MPRIP: variants seen among roughly 807,000 people sequenced by gnomAD.
MPRIP encodes myosin phosphatase Rho interacting protein, also known as myosin phosphatase Rho-interacting protein.
Under a neutral mutation model 234.9 loss-of-function variants are expected in MPRIP, and 59 were observed. That is an observed-to-expected ratio of 0.25 (90% CI 0.20 to 0.31). The LOEUF (loss-of-function observed/expected upper bound fraction) is 0.31. MPRIP is among the 10% of genes least tolerant of loss of function. MPRIP has a pLI of 1.00. For synonymous variants in MPRIP, 1,144 were observed against 1,263.9 expected (o/e 0.91, Z 2.01); for missense variants, 2,436 against 3,071.0 (o/e 0.79, Z 4.89).
intron 1 of MPRIP, among the ~76,000 whole-genome samples, chr17:17,053,885 G>A (rs1338601906): frequency 1.3e-5 from 2 of 152,210 alleles, no homozygotes; most frequent in Admixed American, 6.5e-5. Flanking sequence ...TGCCTTGTGT[G>A]TGTTTGATTT....
chr17:17,057,901 A>C, intron 1 of MPRIP: 1 of 563,022 alleles, frequency 1.8e-6, no homozygotes, highest in Non-Finnish European at 3.2e-6. Flanking sequence ...GGATACAAGC[A>C]GCATACATTT....
chr17:17,084,659 G>A (rs531366630), intron 3 of MPRIP, among the ~76,000 whole-genome samples: 5 of 152,194 alleles, frequency 3.3e-5, no homozygotes, highest in Non-Finnish European at 5.9e-5. Flanking sequence ...CTGCTGCCTC[G>A]TGCGGGTGGA....
At chr17:17,080,285 C>A (rs1228928588) in intron 3 of MPRIP, among the ~76,000 whole-genome samples, 2 of 152,178 alleles carry the variant, frequency 1.3e-5, no homozygotes, top group Non-Finnish European at 2.9e-5. Context: ...TCTCTAGCAC[C>A]CAGTGCTCTG....
In MPRIP at chr17:17,161,373, G is replaced by A; in HGVS notation, c.2517+17G>A. 1.3e-6 allele frequency: 2 copies of A among 1,531,964 alleles called. No homozygotes were observed. Among genetic ancestry groups the A allele is most frequent in the Non-Finnish European group, 1.8e-6 (2 of 1,122,200 alleles). The allele number at this position is 1,531,964 out of a possible 1,614,324, so 94.9% of individuals were successfully genotyped here. On this transcript the variant is annotated intron_variant, in intron 15 of 23. Transcript: ENST00000651222. ...GTGCTGCAGGTAGGGTGGAGGGGCT[G>A]CTGTGGCCCATGGTGCGCTCAGGAG...
At chr17:17,131,069 A>G (rs1021803787) in intron 4 of MPRIP, among the ~76,000 whole-genome samples, 3 of 152,002 alleles carry the variant, frequency 2.0e-5, no homozygotes, top group African/African-American at 7.2e-5. Context: ...GCCACACACA[A>G]TCCCTGATGG....
At chr17:17,056,743 C>G (rs1423032126) in intron 1 of MPRIP, among the ~76,000 whole-genome samples, 2 of 152,118 alleles carry the variant, frequency 1.3e-5, no homozygotes, top group African/African-American at 4.8e-5. Context: ...TTCCATTGCT[C>G]CAAAAGAACC....
At chr17:17,073,240 C>G (rs556239014) in intron 1 of MPRIP, among the ~76,000 whole-genome samples, 2 of 152,102 alleles carry the variant, frequency 1.3e-5, no homozygotes, top group African/African-American at 4.8e-5. Flanking sequence ...TCTGTGTCTG[C>G]GCCGCCCGCC....
At chr17:17,044,308 T>C (rs933719757) in intron 1 of MPRIP, among the ~76,000 whole-genome samples, 2 of 152,230 alleles carry the variant, frequency 1.3e-5, no homozygotes, top group Non-Finnish European at 2.9e-5. Flanking sequence ...TGATTCCTTC[T>C]TCTCATCTGG....
At chr17:17,043,268 A>G (rs1174757459) in intron 1 of MPRIP, among the ~76,000 whole-genome samples, 1 of 152,188 alleles carries the variant, frequency 6.6e-6, no homozygotes, top group African/African-American at 2.4e-5. Flanking sequence ...TAGGGATTGC[A>G]TGCCGCTTGA....
rs971750653 is a variant in MPRIP at position 17,192,359 on chromosome 17, G to A, written c.*7465G>A. The A allele has an allele frequency of 2.0e-5, 3 of 147,424 alleles. No homozygotes were observed. The highest frequency in any genetic ancestry group is 4.5e-5 in the Non-Finnish European group (3 of 67,344). The allele number at this position is 147,424 out of a possible 1,614,324, so 9.1% of individuals were successfully genotyped here. Reference sequence around the variant, plus strand: ...GTCTAAGAAGTAGAGCCCCGGGGTAGGGTGGGCCATCCACTGTCAGGCCAG... The same window carrying A: ...GTCTAAGAAGTAGAGCCCCGGGGTAAGGTGGGCCATCCACTGTCAGGCCAG... On this transcript the variant is annotated 3_prime_UTR_variant, in exon 24 of 24. Transcript: ENST00000651222.
intron 12 of MPRIP, among the ~76,000 whole-genome samples, chr17:17,153,419 G>A (rs1258924988): frequency 2.6e-5 from 4 of 152,056 alleles, no homozygotes; most frequent in African/African-American, 9.7e-5. Flanking sequence ...AGGTGCAGAA[G>A]CAGGCCTCCA....
rs1179033464 is a variant in MPRIP at position 17,117,598 on chromosome 17, C to G, written c.268-9104C>G. 2.0e-5 allele frequency among the ~76,000 whole-genome samples: 3 copies of G among 152,306 alleles called. No individual in the cohort carries two copies. The East Asian group carries it at 5.8e-4, about 29-fold the overall frequency. ...CCATTGTATGAATATTGCATTTTGT[C>G]TATCCATTTGTCCACTGATGGACAT... On this transcript the variant is annotated intron_variant, in intron 3 of 23. Transcript: ENST00000651222.
rs377546918 is a variant in MPRIP at position 17,176,524 on chromosome 17, G to A, written c.6957+12G>A. On this transcript the variant is annotated intron_variant, in intron 21 of 23. Coordinates refer to ENST00000651222, the MANE Select transcript of MPRIP (RefSeq NM_001364716.4). ...AGACGGCACTGCGGGTAAGGCCACCGCACCACAGGAGGGCGGGTACGGGAA... is the reference window on the plus strand; with the variant it reads ...AGACGGCACTGCGGGTAAGGCCACCACACCACAGGAGGGCGGGTACGGGAA... 22 of 1,608,266 alleles carry A rather than the reference G, an allele frequency of 1.4e-5. No individual in the cohort carries two copies. The Admixed American group carries it at 1.8e-4, about 13-fold the overall frequency.
intron 3 of MPRIP, among the ~76,000 whole-genome samples, chr17:17,122,584 A>G (rs546136562): frequency 6.6e-6 from 1 of 152,236 alleles, no homozygotes; most frequent in South Asian, 2.1e-4. Flanking sequence ...CGATCTCCTG[A>G]CCTCGTGATC....
intron 10 of MPRIP, 118 bp from the exon 11 acceptor site, chr17:17,147,201 C>T (rs2045486618): frequency 2.1e-6 from 2 of 948,622 alleles, no homozygotes; most frequent in Non-Finnish European, 3.4e-6. Flanking sequence ...CAGCCTGTCC[C>T]CTGCTTTCCC....
intron 7 of MPRIP, among the ~76,000 whole-genome samples, chr17:17,141,187 A>G (rs764622503): frequency 1.2e-4 from 19 of 152,128 alleles, no homozygotes; most frequent in Non-Finnish European, 2.6e-4. Flanking sequence ...TCTAGGCCCC[A>G]GTGTTGGGCA....
chr17:17,056,957 CA>C (rs2088718118), intron 1 of MPRIP, among the ~76,000 whole-genome samples: 1 of 152,246 alleles, frequency 6.6e-6, no homozygotes, highest in Non-Finnish European at 1.5e-5. Flanking sequence ...GGTCAGAATT[CA>C]TTCCTTGTAT....
chr17:17,137,795 T>TA (rs1345870791), intron 6 of MPRIP, 121 bp from the exon 7 acceptor site: 2 of 761,120 alleles, frequency 2.6e-6, no homozygotes, highest in African/African-American at 1.8e-5. Flanking sequence ...TGCTGGATGT[T>TA]AGAGACGGGA....
intron 11 of MPRIP, 97 bp from the exon 12 acceptor site, chr17:17,150,047 G>A (rs1232012842): frequency 2.3e-6 from 2 of 866,900 alleles, no homozygotes; most frequent in Non-Finnish European, 3.9e-6. Context: ...ACTATTAAAA[G>A]TAAAGTCAGT....
Sources: gnomAD v4.1 joint callset for allele counts (sites outside exome capture counted in the v4.1 genomes callset) on GRCh38, gnomAD v4.1.1 for gene constraint, MANE v1.5 for transcripts, NCBI Gene and HGNC (gene_info 2026-07-23, HGNC 2026-07-21) for gene names.